SPRED1: variants seen among roughly 807,000 people sequenced by gnomAD.
The protein encoded by SPRED1 is sprouty-related, EVH1 domain-containing protein 1.
In SPRED1, 18 loss-of-function variants were observed where a neutral mutation model predicts 52.3. The ratio of observed to expected loss-of-function variants is 0.34; its 90% CI spans 0.24 to 0.51. SPRED1 has a LOEUF of 0.51. Ranked by LOEUF, SPRED1 falls within the 20% of genes least tolerant of loss-of-function variation. The pLI is 0.97. For missense variants in SPRED1, 485 were observed against 551.0 expected, an observed-to-expected ratio of 0.88 and a Z score of 1.20; for synonymous variants, 155 against 179.7, an observed-to-expected ratio of 0.86 and a Z score of 1.10.
chr15:38,293,955 G>C (rs1894979245), intron 1 of SPRED1, among the ~76,000 whole-genome samples: 1 of 151,714 alleles, frequency 6.6e-6, no homozygotes, highest in African/African-American at 2.4e-5. Flanking sequence ...ATGTATCTTT[G>C]CCCACTAGAT....
Position 38,253,199 on chromosome 15 carries a change from C to T in SPRED1, c.14C>T (p.Thr5Met). The change falls in exon 1 of 7, where the codon ACG (threonine) becomes ATG (methionine). Residue 5 changes from threonine to methionine, a missense_variant. Coordinates refer to ENST00000299084, the MANE Select transcript of SPRED1 (RefSeq NM_152594.3). MSEETATSDNDNSYA... is the reference protein window; with the variant it reads MSEEMATSDNDNSYA... ...GGTGAGGGAAAGATGAGCGAGGAGA[C>T]GGCGACTTCTGACAACGAGTAAGCG... 6.3e-7 allele frequency: 1 copy of T among 1,580,826 alleles called. No homozygotes were observed. The highest frequency in any genetic ancestry group is 1.2e-5 in the South Asian group (1 of 86,526).
At chr15:38,309,135 G>T (rs1895310689) in intron 2 of SPRED1, among the ~76,000 whole-genome samples, 1 of 152,014 alleles carries the variant, frequency 6.6e-6, no homozygotes, top group African/African-American at 2.4e-5. Flanking sequence ...CAGTCTTTTT[G>T]CCCATTTTCT....
In SPRED1 at chr15:38,335,616, C is replaced by T. The variant is rs1007696079; in HGVS notation, c.424-4121C>T. Among the ~76,000 whole-genome samples the T allele has an allele frequency of 2.0e-5, 3 of 151,972 alleles. No homozygotes were observed. In the South Asian group the frequency reaches 6.2e-4, roughly 32 times the overall value. On this transcript the variant is annotated intron_variant, in intron 4 of 6. Transcript: ENST00000299084. Reference sequence around the variant, plus strand: ...ATGTATTTAAGCTAAAAAATGATTTCATTGTTACAGTATATTTGTATTATA... The same window carrying T: ...ATGTATTTAAGCTAAAAAATGATTTTATTGTTACAGTATATTTGTATTATA...
intron 1 of SPRED1, among the ~76,000 whole-genome samples, chr15:38,263,000 T>C (rs1894233822): frequency 6.6e-6 from 1 of 152,076 alleles, no homozygotes; most frequent in African/African-American, 2.4e-5. Flanking sequence ...CTTAGGACAG[T>C]TGACTGGAGG....
intron 1 of SPRED1, among the ~76,000 whole-genome samples, chr15:38,255,766 A>C (rs2056498): frequency 0.041 from 6,247 of 151,968 alleles, 432 homozygotes; most frequent in African/African-American, 0.14. Context: ...TGTAACATGG[A>C]TTTTATTTGG....
intron 1 of SPRED1, among the ~76,000 whole-genome samples, chr15:38,290,099 T>C (rs1322595842): frequency 1.3e-5 from 2 of 152,190 alleles, no homozygotes; most frequent in Non-Finnish European, 2.9e-5. Flanking sequence ...GATTTTAAAG[T>C]TTTTCATATT....
intron 2 of SPRED1, among the ~76,000 whole-genome samples, chr15:38,309,171 T>C (rs556902366): frequency 6.6e-6 from 1 of 152,312 alleles, no homozygotes; most frequent in Non-Finnish European, 1.5e-5. Context: ...GGGGTTTTCT[T>C]GTAGATAGCG....
intron 1 of SPRED1, among the ~76,000 whole-genome samples, chr15:38,297,167 T>C (rs1340800209): frequency 1.3e-5 from 2 of 152,230 alleles, no homozygotes; most frequent in Non-Finnish European, 1.5e-5. Context: ...TGGTATTCTG[T>C]TAAAGCAGCA....
intron 2 of SPRED1, among the ~76,000 whole-genome samples, chr15:38,316,760 T>TG (rs1566865552): frequency 1.7e-5 from 2 of 118,512 alleles, no homozygotes; most frequent in African/African-American, 3.0e-5. Flanking sequence ...TTTTTTTTTT[T>TG]TTTTTTTTTT....
chr15:38,289,861 C>A (rs1477416987), intron 1 of SPRED1, among the ~76,000 whole-genome samples: 1 of 152,154 alleles, frequency 6.6e-6, no homozygotes, highest in Non-Finnish European at 1.5e-5. Context: ...ACTTCCAACT[C>A]ACAGAAGTGT....
In SPRED1 at chr15:38,316,020, A is replaced by T. The variant is rs373358461; in HGVS notation, c.208-6221A>T. Among the ~76,000 whole-genome samples, 57 of 152,114 alleles carry T rather than the reference A, an allele frequency of 3.7e-4. No homozygotes were observed. The East Asian group carries it at 0.011, about 29-fold the overall frequency. ...ACAAGCTTAACTAATTACTCTACTGAATTCTTACACAGTAGTAACTGTTTT... is the reference window on the plus strand; with the variant it reads ...ACAAGCTTAACTAATTACTCTACTGTATTCTTACACAGTAGTAACTGTTTT... On this transcript the variant is annotated intron_variant, in intron 2 of 6. Coordinates refer to ENST00000299084, the MANE Select transcript of SPRED1 (RefSeq NM_152594.3).
chr15:38,350,305 C>T (rs72711746), intron 6 of SPRED1, among the ~76,000 whole-genome samples: 13,987 of 152,124 alleles, frequency 0.092, 764 homozygotes, highest in East Asian at 0.21. Context: ...TTCCTCTGCC[C>T]GTACATCCCT....
At chr15:38,272,723 A>G (rs1436027493) in intron 1 of SPRED1, among the ~76,000 whole-genome samples, 1 of 152,142 alleles carries the variant, frequency 6.6e-6, no homozygotes, top group East Asian at 1.9e-4. Context: ...AATAATAGCC[A>G]TTCTGACTAG....
chr15:38,348,472 TAAA>T (rs1405494407), intron 5 of SPRED1, among the ~76,000 whole-genome samples: 1 of 151,966 alleles, frequency 6.6e-6, no homozygotes, highest in East Asian at 1.9e-4. Context: ...AGGAATGCAC[TAAA>T]AAATTTTTTT....
At chr15:38,331,524 A>C (rs940054484) in intron 4 of SPRED1, among the ~76,000 whole-genome samples, 4 of 152,166 alleles carry the variant, frequency 2.6e-5, no homozygotes, top group African/African-American at 9.6e-5. Context: ...TTTGGTTATT[A>C]GTACAGGTTG....
At chr15:38,296,349 A>C (rs1895039689) in intron 1 of SPRED1, among the ~76,000 whole-genome samples, 1 of 152,306 alleles carries the variant, frequency 6.6e-6, no homozygotes, top group Middle Eastern at 3.4e-3. Context: ...TCAAATTACA[A>C]ATTTTGCCAA....
intron 4 of SPRED1, among the ~76,000 whole-genome samples, chr15:38,336,727 G>A (rs928904239): frequency 6.6e-5 from 10 of 151,900 alleles, no homozygotes; most frequent in African/African-American, 2.4e-4. Context: ...CTCATAAGTG[G>A]GAGCTAAGCT....
intron 1 of SPRED1, among the ~76,000 whole-genome samples, chr15:38,286,406 C>T (rs1055884373): frequency 1.3e-5 from 2 of 151,996 alleles, no homozygotes; most frequent in Non-Finnish European, 2.9e-5. Context: ...CACTATATTG[C>T]ATTCTTTTGT....
At chr15:38,255,257 C>T (rs986171063) in intron 1 of SPRED1, among the ~76,000 whole-genome samples, 52 of 152,122 alleles carry the variant, frequency 3.4e-4, no homozygotes, top group African/African-American at 1.2e-3. Context: ...TGGCAATCTT[C>T]AGTGAGAGGA....
Sources: gnomAD v4.1 joint callset for allele counts (sites outside exome capture counted in the v4.1 genomes callset) on GRCh38, gnomAD v4.1.1 for gene constraint, MANE v1.5 for transcripts, NCBI Gene and HGNC (gene_info 2026-07-23, HGNC 2026-07-21) for gene names.